Variants in PTBP3 observed in about 807,000 individuals in gnomAD.
The protein encoded by PTBP3 is polypyrimidine tract binding protein 3.
PTBP3 carries 20 observed loss-of-function variants against 58.7 expected under a neutral mutation model. The observed-to-expected ratio is 0.34, with a 90% CI of 0.24 to 0.50. PTBP3 has a LOEUF of 0.50. PTBP3 is among the 20% of genes least tolerant of loss of function. The pLI is 0.98. For synonymous variants in PTBP3, 185 were observed against 219.8 expected, an observed-to-expected ratio of 0.84 and a Z score of 1.40; for missense variants, 509 against 637.2, an observed-to-expected ratio of 0.80 and a Z score of 2.17.
At chr9:112,297,796 C>G in intron 2 of PTBP3, 36 bp downstream of exon 2, 1 of 1,430,648 alleles carries the variant, frequency 7.0e-7, no homozygotes, top group South Asian at 1.3e-5. Flanking sequence ...TTGAAACCCA[C>G]AGAAATCAAA....
intron 2 of PTBP3, among the ~76,000 whole-genome samples, chr9:112,290,668 T>A (rs1441475804): frequency 9.5e-6 from 1 of 104,806 alleles, no homozygotes; most frequent in African/African-American, 3.7e-5. Flanking sequence ...TCAGACTCTG[T>A]CTTTAAAAAA....
intron 3 of PTBP3, among the ~76,000 whole-genome samples, chr9:112,271,922 T>C (rs1003950238): frequency 6.6e-6 from 1 of 152,222 alleles, no homozygotes; most frequent in East Asian, 1.9e-4. Flanking sequence ...GTACTAATAG[T>C]AGATACCTGA....
chr9:112,227,730 C>A (rs1333803986), intron 11 of PTBP3, 103 bp from the exon 12 acceptor site: 2 of 904,010 alleles, frequency 2.2e-6, no homozygotes, highest in Non-Finnish European at 3.5e-6. Context: ...TTATTTAAAA[C>A]TGTATTATCA....
At chr9:112,352,995 G>A in the PTBP3 span, among the ~76,000 whole-genome samples, 1 of 151,866 alleles carries the variant, frequency 6.6e-6, no homozygotes, top group Non-Finnish European at 1.5e-5. Flanking sequence ...CCACCTCCCG[G>A]GTTCAAGCGA....
chr9:112,340,349 C>T, the PTBP3 span, among the ~76,000 whole-genome samples: 22 of 152,084 alleles, frequency 1.4e-4, no homozygotes, highest in Admixed American at 8.5e-4. Flanking sequence ...TTTATTAGAT[C>T]TTCATTCTAT....
the PTBP3 span, among the ~76,000 whole-genome samples, chr9:112,339,290 CAAAAAAAAA>C: frequency 7.0e-5 from 5 of 71,714 alleles, no homozygotes; most frequent in Admixed American, 2.1e-4. Context: ...GACTCTGTCT[CAAAAAAAAA>C]AAAAAAAAAA....
chr9:112,307,372 T>C (rs2132364279), intron 1 of PTBP3, among the ~76,000 whole-genome samples: 1 of 152,226 alleles, frequency 6.6e-6, no homozygotes, highest in Non-Finnish European at 1.5e-5. Flanking sequence ...GAGGATTGAT[T>C]GAGCCAGGAG....
At chr9:112,273,904 A>C (rs769898800) in intron 3 of PTBP3, among the ~76,000 whole-genome samples, 2 of 152,258 alleles carry the variant, frequency 1.3e-5, no homozygotes, top group Non-Finnish European at 2.9e-5. Flanking sequence ...AGCAATTAAC[A>C]TAACACTTAC....
intron 1 of PTBP3, among the ~76,000 whole-genome samples, chr9:112,325,414 C>G (rs1830116137): frequency 1.3e-5 from 2 of 152,068 alleles, no homozygotes; most frequent in African/African-American, 4.8e-5. Flanking sequence ...GAGGTGGAAG[C>G]CAGCTGGCGG....
At chr9:112,274,798 G>A (rs1258669452) in intron 3 of PTBP3, among the ~76,000 whole-genome samples, 1 of 152,122 alleles carries the variant, frequency 6.6e-6, no homozygotes, top group Non-Finnish European at 1.5e-5. Flanking sequence ...AGTAAAGCAG[G>A]TAAATCCCCA....
intron 12 of PTBP3, among the ~76,000 whole-genome samples, chr9:112,224,833 G>C (rs1834921719): frequency 1.3e-5 from 2 of 152,178 alleles, no homozygotes; most frequent in African/African-American, 4.8e-5. Context: ...AGCTTTGGAA[G>C]GACACCGTGA....
intron 5 of PTBP3, among the ~76,000 whole-genome samples, chr9:112,261,060 G>T (rs3849126): frequency 2.0e-5 from 3 of 151,966 alleles, no homozygotes; most frequent in Non-Finnish European, 4.4e-5. Context: ...CAATGTTACA[G>T]TAGCAACCCC....
chr9:112,298,423 T>C (rs1828782666), intron 1 of PTBP3: 1 of 304,056 alleles, frequency 3.3e-6, no homozygotes, highest in Non-Finnish European at 6.4e-6. Flanking sequence ...CTTAAACAAT[T>C]GTTTAAGTAA....
At chr9:112,326,071 C>T (rs1461757941) in intron 1 of PTBP3, among the ~76,000 whole-genome samples, 6 of 152,062 alleles carry the variant, frequency 3.9e-5, no homozygotes, top group Non-Finnish European at 7.4e-5. Context: ...AGAAGAGCTG[C>T]CTAAACTGGG....
intron 10 of PTBP3, 24 bp from the exon 11 acceptor site, chr9:112,228,496 T>C (rs756322897): frequency 1.4e-6 from 2 of 1,442,800 alleles, no homozygotes; most frequent in Admixed American, 2.1e-5. Flanking sequence ...AACAAAACAC[T>C]GTGTTTAACG....
chr9:112,324,750 A>G (rs770753764), intron 1 of PTBP3, among the ~76,000 whole-genome samples: 2 of 152,048 alleles, frequency 1.3e-5, no homozygotes, highest in Non-Finnish European at 2.9e-5. Flanking sequence ...TAAAAAACTC[A>G]CCACCACCAA....
intron 4 of PTBP3, among the ~76,000 whole-genome samples, chr9:112,265,559 G>A (rs1436164477): frequency 6.6e-6 from 1 of 152,006 alleles, no homozygotes. Context: ...AAAAAATTAA[G>A]CCTTAGGGCA....
intron 2 of PTBP3, 138 bp from the exon 3 acceptor site, chr9:112,276,151 G>C (rs577816698): frequency 1.4e-6 from 1 of 705,338 alleles, no homozygotes; most frequent in African/African-American, 1.8e-5. Context: ...ATGGGGGTAG[G>C]TGGAAAAGGA....
intron 5 of PTBP3, among the ~76,000 whole-genome samples, chr9:112,256,672 T>TAC (rs1836379447): frequency 6.6e-6 from 1 of 151,798 alleles, no homozygotes; most frequent in Non-Finnish European, 1.5e-5. Context: ...TACAGGTACA[T>TAC]ACCACCATGC....
Sources: allele counts gnomAD v4.1 joint callset (sites outside exome capture counted in the v4.1 genomes callset), GRCh38; gene constraint gnomAD v4.1.1; transcripts MANE v1.5; gene names NCBI Gene and HGNC (gene_info 2026-07-23, HGNC 2026-07-21).